Variants in ZNF273 observed in about 807,000 individuals in gnomAD.
ZNF273 encodes zinc finger protein 273, also known as zinc finger protein 9.
ZNF273 carries 11 observed loss-of-function variants against 14.9 expected under a neutral mutation model. The observed-to-expected ratio is 0.74, with a 90% CI of 0.46 to 1.22. ZNF273 has a LOEUF of 1.22. ZNF273 is among the 50% of genes most tolerant of loss of function. ZNF273 has a pLI of 0.00. For missense variants in ZNF273, 577 were observed against 660.6 expected, an observed-to-expected ratio of 0.87 and a Z score of 1.39; for synonymous variants, 199 against 223.9, an observed-to-expected ratio of 0.89 and a Z score of 0.99.
At chr7:64,922,778 A>G (rs1794562907) in intron 3 of ZNF273, among the ~76,000 whole-genome samples, 1 of 151,978 alleles carries the variant, frequency 6.6e-6, no homozygotes, top group Admixed American at 6.6e-5. Flanking sequence ...CAGCCTGGCC[A>G]ACATGGTGAA....
At chr7:64,906,821 TAAAAC>T (rs1219217111) in intron 1 of ZNF273, among the ~76,000 whole-genome samples, 2 of 142,862 alleles carry the variant, frequency 1.4e-5, no homozygotes, top group Admixed American at 7.0e-5. Context: ...ACTTACAAAA[TAAAAC>T]AAAGTTATGT....
downstream of ZNF273, chr7:64,890,143 G>A (rs1334105917): frequency 6.5e-6 from 1 of 153,786 alleles, no homozygotes; most frequent in Non-Finnish European, 1.4e-5. Flanking sequence ...GCTGAAGACA[G>A]GTTTTGTGGA....
At chr7:64,915,986 A>G (rs1430965363) in intron 1 of ZNF273, among the ~76,000 whole-genome samples, 2 of 152,126 alleles carry the variant, frequency 1.3e-5, no homozygotes, top group African/African-American at 4.8e-5. Flanking sequence ...ACCTGAGGCC[A>G]GGAGTTCAAG....
downstream of ZNF273, among the ~76,000 whole-genome samples, chr7:64,932,499 T>C (rs921857479): frequency 3.3e-5 from 5 of 152,024 alleles, no homozygotes; most frequent in East Asian, 9.8e-4. Context: ...AGACAGGGTT[T>C]CTCCATGTTG....
At chr7:64,919,230 G>T (rs368575942) in intron 3 of ZNF273, among the ~76,000 whole-genome samples, 1 of 152,104 alleles carries the variant, frequency 6.6e-6, no homozygotes, top group Non-Finnish European at 1.5e-5. Flanking sequence ...TTGATAGGGC[G>T]TTTATTGAAT....
exon 2 of ZNF273, chr7:64,888,792 G>A (rs1239242000): frequency 1.0e-6 from 1 of 985,850 alleles, no homozygotes; most frequent in Non-Finnish European, 1.2e-6. Flanking sequence ...CCATGCTGCC[G>A]GGAAGTGCAC....
upstream of ZNF273, among the ~76,000 whole-genome samples, chr7:64,902,723 G>A (rs370123740): frequency 6.9e-6 from 1 of 145,394 alleles, no homozygotes; most frequent in Non-Finnish European, 1.5e-5. Flanking sequence ...CAGAGAGAGA[G>A]AAAGAAAAAG....
chr7:64,910,962 C>T (rs1030041636), intron 1 of ZNF273, among the ~76,000 whole-genome samples: 3 of 151,416 alleles, frequency 2.0e-5, no homozygotes, highest in African/African-American at 4.9e-5. Flanking sequence ...GATGGGGTTT[C>T]GTCGTGTTGG....
chr7:64,923,810 T>C (rs1794639279), intron 3 of ZNF273: 1 of 152,860 alleles, frequency 6.5e-6, no homozygotes, highest in African/African-American at 2.4e-5. Flanking sequence ...CATTCTATTT[T>C]ACTAGTCTCC....
At chr7:64,906,416 A>T (rs1381572760) in intron 1 of ZNF273, among the ~76,000 whole-genome samples, 1 of 152,214 alleles carries the variant, frequency 6.6e-6, no homozygotes, top group Non-Finnish European at 1.5e-5. Flanking sequence ...TTTCTTGTTG[A>T]GGTATAAAAT....
intron 1 of ZNF273, among the ~76,000 whole-genome samples, chr7:64,909,092 T>A (rs1024195708): frequency 1.6e-4 from 25 of 152,200 alleles, no homozygotes; most frequent in African/African-American, 5.5e-4. Context: ...CTTTTTGTAT[T>A]TTTTGTACGT....
At chr7:64,936,258 C>T in the ZNF273 span, among the ~76,000 whole-genome samples, 1 of 152,130 alleles carries the variant, frequency 6.6e-6, no homozygotes, top group African/African-American at 2.4e-5. Flanking sequence ...GGAACAAATG[C>T]CATTAGCTGC....
upstream of ZNF273, among the ~76,000 whole-genome samples, chr7:64,900,117 TC>T (rs1751703871): frequency 1.3e-5 from 2 of 149,258 alleles, no homozygotes; most frequent in Admixed American, 1.3e-4. Flanking sequence ...CTTTTCTCTC[TC>T]TTTTTTTTTT....
At chr7:64,880,462 G>C (rs1264546014), downstream of ZNF273, among the ~76,000 whole-genome samples, 4 of 152,104 alleles carry the variant, frequency 2.6e-5, no homozygotes, top group African/African-American at 4.8e-5. Flanking sequence ...GGGTGTTTCT[G>C]CGGGAGTGTT....
downstream of ZNF273, among the ~76,000 whole-genome samples, chr7:64,881,134 A>T (rs778891204): frequency 3.3e-5 from 5 of 152,208 alleles, no homozygotes; most frequent in Admixed American, 2.0e-4. Context: ...CCCAGCTGGG[A>T]GGATTCCAAC....
intron 1 of ZNF273, among the ~76,000 whole-genome samples, chr7:64,913,304 CAG>C (rs1315085421): frequency 6.6e-5 from 10 of 152,164 alleles, no homozygotes; most frequent in African/African-American, 2.4e-4. Flanking sequence ...AAATCAGTGA[CAG>C]AGAAACAGAA....
Position 64,928,656 on chromosome 7 carries a change from C to T in ZNF273, c.1328C>T (p.Ser443Leu). ...EECGKAFSVF[S>L]TLTKHKIIHT... ...TGTGGAAAAGCCTTTAGTGTATTCT[C>T]AACCCTTACTAAACATAAGATAATT... Residue 443 changes from serine (S) to leucine (L), a missense_variant, in exon 4 of 4, where the codon TCA becomes TTA. Ser to Leu is a moderately radical substitution (Grantham distance 145, BLOSUM62 -2). Transcript: ENST00000476120. 2 of 1,612,954 alleles carry T rather than the reference C, an allele frequency of 1.2e-6. No homozygotes were observed. The highest frequency in any genetic ancestry group is 2.2e-5 in the East Asian group (1 of 44,838).
At chr7:64,911,649 A>G (rs1402180151) in intron 1 of ZNF273, among the ~76,000 whole-genome samples, 1 of 151,858 alleles carries the variant, frequency 6.6e-6, no homozygotes, top group African/African-American at 2.4e-5. Context: ...TAATCTCGCT[A>G]TTGGTTTATT....
intron 1 of ZNF273, among the ~76,000 whole-genome samples, chr7:64,911,509 C>T (rs570593842): frequency 4.6e-5 from 7 of 152,196 alleles, no homozygotes; most frequent in Middle Eastern, 3.4e-3. Context: ...GTGATCCACC[C>T]GCCTTAGCCT....
Sources: gnomAD v4.1 joint callset for allele counts (sites outside exome capture counted in the v4.1 genomes callset) on GRCh38, gnomAD v4.1.1 for gene constraint, MANE v1.5 for transcripts, NCBI Gene and HGNC (gene_info 2026-07-23, HGNC 2026-07-21) for gene names.